Variants in CNTNAP2 observed in about 807,000 individuals in gnomAD.
CNTNAP2 encodes contactin-associated protein-like 2.
A neutral mutation model predicts 155.2 loss-of-function variants in CNTNAP2; 98 were observed. The observed-to-expected ratio is 0.63, with a 90% CI of 0.54 to 0.75. The LOEUF (loss-of-function observed/expected upper bound fraction) is 0.75. Among genes scored for constraint, CNTNAP2 ranks in the 30% least tolerant of loss-of-function variants. CNTNAP2 has a pLI of 0.00. For missense variants in CNTNAP2, 1,727 were observed against 1,688.1 expected, an observed-to-expected ratio of 1.02 and a Z score of -0.40; for synonymous variants, 651 against 631.2, an observed-to-expected ratio of 1.03 and a Z score of -0.47.
chr7:148,262,898 A>AG (rs1796589461), intron 20 of CNTNAP2, among the ~76,000 whole-genome samples: 1 of 152,162 alleles, frequency 6.6e-6, no homozygotes, highest in Non-Finnish European at 1.5e-5. Flanking sequence ...TATGTTCGGC[A>AG]GGGGGACAGC....
At chr7:147,801,309 G>GTT (rs57750335) in intron 13 of CNTNAP2, among the ~76,000 whole-genome samples, 3,244 of 130,010 alleles carry the variant, frequency 0.025, 105 homozygotes, top group African/African-American at 0.07. Flanking sequence ...CTTCTATGAA[G>GTT]TTTTTTTTTT....
chr7:147,876,936 G>A (rs764795406), intron 13 of CNTNAP2, among the ~76,000 whole-genome samples: 5 of 152,206 alleles, frequency 3.3e-5, no homozygotes, highest in Non-Finnish European at 7.4e-5. Flanking sequence ...ATTGGGGCTG[G>A]TGTCGGGTGA....
intron 1 of CNTNAP2, among the ~76,000 whole-genome samples, chr7:146,510,298 A>G (rs1797447182): frequency 6.6e-6 from 1 of 152,090 alleles, no homozygotes; most frequent in African/African-American, 2.4e-5. Context: ...GTGTGCCTGC[A>G]CTCCAAACCT....
rs114288215 is a variant in CNTNAP2 at position 147,883,769 on chromosome 7, A to G, written c.2099-19796A>G. On this transcript the variant is annotated intron_variant, in intron 13 of 23. Coordinates refer to ENST00000361727, the MANE Select transcript of CNTNAP2 (RefSeq NM_014141.6). ...ATTTTCTCTTTTTTCTTTTTTTAAA[A>G]ATGTGTTTAGATATGAAAAAAGAAA... Among the ~76,000 whole-genome samples the G allele has an allele frequency of 1.9e-3, 287 of 152,306 alleles. 2 individuals are homozygous for G. Among genetic ancestry groups the G allele is most frequent in the Middle Eastern group, 0.01 (3 of 294 alleles).
intron 1 of CNTNAP2, among the ~76,000 whole-genome samples, chr7:146,337,441 A>T (rs1054282494): frequency 3.3e-5 from 5 of 152,124 alleles, no homozygotes; most frequent in Non-Finnish European, 5.9e-5. Flanking sequence ...TTTATCTTGG[A>T]ATGCACACGA....
At chr7:146,209,231 G>A (rs1212440653) in intron 1 of CNTNAP2, among the ~76,000 whole-genome samples, 2 of 152,072 alleles carry the variant, frequency 1.3e-5, no homozygotes, top group Non-Finnish European at 2.9e-5. Flanking sequence ...AGTCAGAACC[G>A]GTTTGAGAGA....
At chr7:146,298,344 A>G (rs900540486) in intron 1 of CNTNAP2, among the ~76,000 whole-genome samples, 6 of 152,234 alleles carry the variant, frequency 3.9e-5, no homozygotes, top group Non-Finnish European at 7.3e-5. Context: ...ACATTCAAGC[A>G]TAAAAAAAGA....
At chr7:148,324,664 G>A (rs1300495726) in intron 21 of CNTNAP2, among the ~76,000 whole-genome samples, 2 of 152,190 alleles carry the variant, frequency 1.3e-5, no homozygotes, top group Non-Finnish European at 2.9e-5. Flanking sequence ...TGGGCATGGT[G>A]GCGGGTGCCT....
rs550791827 is a variant in CNTNAP2 at position 146,645,698 on chromosome 7, G to A, written c.98-128573G>A. On this transcript the variant is annotated intron_variant, in intron 1 of 23. Transcript: ENST00000361727. ...CCCATTGAAACTGTGAAATTCAATG[G>A]CTTTTAGTGTATCCACAGAGTTATA... 3.9e-5 allele frequency among the ~76,000 whole-genome samples: 6 copies of A among 152,138 alleles called. No individual in the cohort carries two copies. In the East Asian group the frequency reaches 7.7e-4, roughly 20 times the overall value.
intron 4 of CNTNAP2, among the ~76,000 whole-genome samples, chr7:147,096,419 A>G (rs952578736): frequency 6.6e-6 from 1 of 152,250 alleles, no homozygotes; most frequent in Non-Finnish European, 1.5e-5. Context: ...TATCCACAAC[A>G]TATCCCAAAC....
intron 3 of CNTNAP2, among the ~76,000 whole-genome samples, chr7:146,847,073 G>A (rs1803856337): frequency 6.6e-6 from 1 of 151,760 alleles, no homozygotes; most frequent in Non-Finnish European, 1.5e-5. Context: ...TTTTTATCGT[G>A]TCAAGGTTGG....
intron 4 of CNTNAP2, among the ~76,000 whole-genome samples, chr7:147,104,749 C>T (rs191431218): frequency 1.4e-3 from 209 of 149,858 alleles, no homozygotes; most frequent in Non-Finnish European, 2.4e-3. Context: ...TGCAATTTCC[C>T]TGTACTATAA....
chr7:146,432,405 T>C (rs1584922834), intron 1 of CNTNAP2, among the ~76,000 whole-genome samples: 1 of 152,280 alleles, frequency 6.6e-6, no homozygotes, highest in African/African-American at 2.4e-5. Flanking sequence ...AATTGAATTA[T>C]ATATTTTTTG....
At chr7:146,389,703 C>CTTTT (rs750823074) in intron 1 of CNTNAP2, among the ~76,000 whole-genome samples, 1 of 129,016 alleles carries the variant, frequency 7.8e-6, no homozygotes, top group Non-Finnish European at 1.7e-5. Flanking sequence ...TTTCTTTTTT[C>CTTTT]TTTTTTTTTT....
chr7:148,241,965 G>A (rs1200379679), intron 20 of CNTNAP2, among the ~76,000 whole-genome samples: 1 of 152,232 alleles, frequency 6.6e-6, no homozygotes, highest in Non-Finnish European at 1.5e-5. Flanking sequence ...ATCCAGTTTA[G>A]GGTTTGAGAT....
intron 1 of CNTNAP2, among the ~76,000 whole-genome samples, chr7:146,288,790 G>C (rs1044547729): frequency 3.1e-5 from 4 of 128,880 alleles, no homozygotes; most frequent in Non-Finnish European, 4.8e-5. Context: ...AGTAAAATTA[G>C]TAATTTTTTT....
chr7:148,088,724 AC>A (rs1478451850), intron 15 of CNTNAP2, among the ~76,000 whole-genome samples: 1 of 152,042 alleles, frequency 6.6e-6, no homozygotes, highest in Non-Finnish European at 1.5e-5. Flanking sequence ...GCTGAATTCT[AC>A]CAAACATTTA....
intron 15 of CNTNAP2, among the ~76,000 whole-genome samples, chr7:148,029,445 A>T (rs1310978466): frequency 6.6e-6 from 1 of 152,194 alleles, no homozygotes; most frequent in Non-Finnish European, 1.5e-5. Context: ...TTTGACTTCC[A>T]TCTGGGACAC....
chr7:146,394,551 C>CT (rs1258208869), intron 1 of CNTNAP2, among the ~76,000 whole-genome samples: 1 of 152,034 alleles, frequency 6.6e-6, no homozygotes, highest in African/African-American at 2.4e-5. Flanking sequence ...CCTGTATACA[C>CT]TTTCATGACA....
Sources: gnomAD v4.1 joint callset for allele counts (sites outside exome capture counted in the v4.1 genomes callset) on GRCh38, gnomAD v4.1.1 for gene constraint, MANE v1.5 for transcripts, NCBI Gene and HGNC (gene_info 2026-07-23, HGNC 2026-07-21) for gene names.